The following CYP2W1 variants were observed in gnomAD, a reference collection of about 807,000 sequenced individuals.
CYP2W1 encodes the protein cytochrome P450 family 2 subfamily W member 1.
A neutral mutation model predicts 44.9 loss-of-function variants in CYP2W1; 51 were observed. That is an observed-to-expected ratio of 1.14 (90% confidence interval 0.91 to 1.43). CYP2W1 has a LOEUF of 1.43. Ranked by LOEUF, CYP2W1 falls within the 40% of genes most tolerant of loss-of-function variation. The pLI, the probability that CYP2W1 is intolerant of heterozygous loss-of-function variation, is 0.00. For missense variants in CYP2W1, 746 were observed against 700.0 expected, an observed-to-expected ratio of 1.07 and a Z score of -0.74; for synonymous variants, 383 against 338.3, an observed-to-expected ratio of 1.13 and a Z score of -1.45.
Position 987,161 on chromosome 7 carries a change from G to T in CYP2W1, c.874G>T (p.Asp292Tyr). ...GGCCAACGCGGTGGCCTGCACCCTG[G>T]ACATGGTCATGGCCGGGACGGAGAC... is the stretch of plus-strand genomic sequence containing the variant. The part of the protein sequence containing the change: ...AEANAVACTL[D>Y]MVMAGTETTS... The change falls in exon 6 of 9, where the codon GAC (aspartate) becomes TAC (tyrosine). Residue 292 changes from aspartate to tyrosine, a missense_variant. Physicochemically the swap from Asp to Tyr is radical, Grantham distance 160. Coordinates refer to ENST00000308919, the MANE Select transcript of CYP2W1 (RefSeq NM_017781.3). 1 of 1,576,514 alleles carries T rather than the reference G, an allele frequency of 6.3e-7. No individual in the cohort carries two copies.
Position 988,739 on chromosome 7 carries a change from C to T in CYP2W1, c.1390C>T (p.Pro464Ser). Reference sequence around the variant, plus strand: ...CCTGCTGCCCCCGCCTGGCGTCAGTCCGGCCTCCCTGGACACCACGCCCGC... The same window carrying T: ...CCTGCTGCCCCCGCCTGGCGTCAGTTCGGCCTCCCTGGACACCACGCCCGC... Reference protein sequence around the residue: ...YRLLPPPGVSPASLDTTPARA... With the variant: ...YRLLPPPGVSSASLDTTPARA... Residue 464 changes from proline (P) to serine (S), a missense_variant, in exon 9 of 9, where the codon CCG becomes TCG. Transcript: ENST00000308919. The T allele has an allele frequency of 1.3e-6, 2 of 1,599,474 alleles. No homozygotes were observed. The highest frequency in any genetic ancestry group is 1.7e-4 in the Middle Eastern group (1 of 5,882).
chr7:985,347 G>A lies in CYP2W1; in HGVS notation c.645+24G>A, dbSNP rs200877611. 9.1e-6 allele frequency: 14 copies of A among 1,546,114 alleles called. No homozygotes were observed. In the Admixed American group the frequency reaches 1.2e-4, roughly 13 times the overall value. ...AGGTGAGGAGCTGCCTCCCATCCTT[G>A]GGGTGGGGTGGAGCCTGGAGTGATG... On this transcript the variant is annotated intron_variant, in intron 4 of 8. Transcript: ENST00000308919.
chr7:986,499 C>A, intron 4 of CYP2W1, 125 bp from the exon 5 acceptor site: 1 of 1,139,510 alleles, frequency 8.8e-7, no homozygotes, highest in Non-Finnish European at 1.3e-6. Context: ...CGTTCTGTGG[C>A]CGCCTCCAGC....
In CYP2W1 at chr7:985,195, T is replaced by C. The variant is rs1243186532; in HGVS notation, c.517T>C (p.Trp173Arg). 2 of 1,567,716 alleles carry C rather than the reference T, an allele frequency of 1.3e-6. No homozygotes were observed. Among genetic ancestry groups the C allele is most frequent in the Non-Finnish European group, 1.7e-6 (2 of 1,156,396 alleles). ...GRPFPLALLG[W>R]APSNITFALL... ...GCCCTTCCCGCTGGCCCTACTGGGC[T>C]GGGCTCCCTCCAATATCACCTTCGC... Residue 173 changes from tryptophan to arginine, a missense_variant, in exon 4 of 9, where the codon TGG becomes CGG. By Grantham distance (101) the Trp-to-Arg change is moderately radical. Transcript: ENST00000308919.
chr7:985,361 C>G (rs752727799), intron 4 of CYP2W1, 38 bp downstream of exon 4: 33 of 1,537,912 alleles, frequency 2.1e-5, no homozygotes, highest in Non-Finnish European at 2.8e-5. Flanking sequence ...TGGGGTGGAG[C>G]CTGGAGTGAT....
intron 4 of CYP2W1, chr7:986,254 G>T: frequency 4.4e-6 from 1 of 227,318 alleles, no homozygotes; most frequent in Non-Finnish European, 8.7e-6. Context: ...ATACAGCCTC[G>T]TGGGCTGGCT....
Position 987,679 on chromosome 7 carries a change from G to A in CYP2W1, c.1143+148G>A, listed in dbSNP as rs1016459998. The A allele has an allele frequency of 1.7e-5, 14 of 824,196 alleles. No homozygotes were observed. The Admixed American group carries it at 3.5e-4, about 21-fold the overall frequency. The allele number at this position is 824,196 out of a possible 1,614,324, so 51.1% of individuals were successfully genotyped here. On this transcript the variant is annotated intron_variant, in intron 7 of 8. Transcript: ENST00000308919. ...GGCAATAAAGGGCGTCCAGCCAGGA[G>A]CAGGAGGGAGGCAGCCCTCTCACCC...
rs1004487362 is a variant in CYP2W1, at chr7:984,954, C to T, written c.342C>T (p.Ile114=). The T allele has an allele frequency of 2.5e-6, 4 of 1,598,616 alleles. No individual in the cohort carries two copies. The highest frequency in any genetic ancestry group is 3.4e-6 in the Non-Finnish European group (4 of 1,176,494). The part of the protein sequence containing the change: ...IFQLIQRGGG[I]FFSSGARWRA... Reference sequence around the variant, plus strand: ...ACGCACTGTATCTGCCTACAGGCATCTTCTTCTCATCTGGGGCGCGCTGGA... The same window carrying T: ...ACGCACTGTATCTGCCTACAGGCATTTTCTTCTCATCTGGGGCGCGCTGGA... Residue 114 remains isoleucine (I), a synonymous_variant, in exon 3 of 9, where the codon ATC becomes ATT. Coordinates refer to ENST00000308919, the MANE Select transcript of CYP2W1 (RefSeq NM_017781.3).
In CYP2W1 at chr7:984,529, G is replaced by T; in HGVS notation, c.292G>T (p.Asp98Tyr). The T allele has an allele frequency of 6.4e-7, 1 of 1,554,062 alleles. No homozygotes were observed. Among genetic ancestry groups the T allele is most frequent in the South Asian group, 1.2e-5 (1 of 84,582 alleles). Residue 98 changes from aspartate to tyrosine, a missense_variant, in exon 2 of 9, where the codon GAC becomes TAC. Transcript: ENST00000308919. ...ALAGPGQELADRPPIAIFQLI... is the reference protein window; with the variant it reads ...ALAGPGQELAYRPPIAIFQLI... ...GGCGGGCCCCGGGCAGGAGCTGGCC[G>T]ACCGGCCTCCCATCGCCATCTTCCA...
chr7:988,803 G>A lies in CYP2W1; in HGVS notation c.1454G>A (p.Cys485Tyr), dbSNP rs762827859. ...FTMRPRAQAL[C>Y]AVPRP is the part of the protein sequence containing the mutation. ...ATGAGGCCGAGGGCCCAGGCCCTGTGTGCGGTGCCCAGGCCCTAGGAGCTC... is the reference window on the plus strand; with the variant it reads ...ATGAGGCCGAGGGCCCAGGCCCTGTATGCGGTGCCCAGGCCCTAGGAGCTC... The change falls in exon 9 of 9, where the codon TGT (cysteine) becomes TAT (tyrosine). Residue 485 changes from cysteine to tyrosine, a missense_variant. By Grantham distance (194) the Cys-to-Tyr change is radical. Coordinates refer to ENST00000308919, the MANE Select transcript of CYP2W1 (RefSeq NM_017781.3). The A allele has an allele frequency of 1.3e-6, 2 of 1,587,090 alleles. No individual in the cohort carries two copies. The highest frequency in any genetic ancestry group is 1.7e-6 in the Non-Finnish European group (2 of 1,172,862).
At position 988,907 on chromosome 7, in the gene CYP2W1, C is replaced by A. The variant is rs113978131; in HGVS notation, c.*85C>A. On this transcript the variant is annotated 3_prime_UTR_variant, in exon 9 of 9. Coordinates refer to ENST00000308919, the MANE Select transcript of CYP2W1 (RefSeq NM_017781.3). ...CCCTCTCTCCTCCCACCCCACAGCT[C>A]GGACTGCTCTGGGAGGGCCCTGAGG... is the stretch of plus-strand genomic sequence containing the variant. The A allele has an allele frequency of 4.6e-6, 4 of 871,344 alleles. No individual in the cohort carries two copies. The East Asian group carries it at 1.1e-4, about 23-fold the overall frequency. 54.0% of individuals were successfully genotyped at this position (871,344 alleles called of 1,614,324 possible).
chr7:988,313 C>T lies in CYP2W1; in HGVS notation c.1180C>T (p.Leu394=). The change falls in exon 8 of 9, where the codon CTG becomes TTG. Residue 394 remains leucine, a synonymous_variant. Coordinates refer to ENST00000308919, the MANE Select transcript of CYP2W1 (RefSeq NM_017781.3). ...PVIPLLTSVL[L]DETQWQTPGQ... ...GATTCCCCTGCTGACCTCGGTGCTC[C>T]TGGATGAGACACAGTGGCAGACCCC... The T allele has an allele frequency of 6.2e-7, 1 of 1,609,096 alleles. No individual in the cohort carries two copies. The highest frequency in any genetic ancestry group is 8.5e-7 in the Non-Finnish European group (1 of 1,177,158).
chr7:986,449 T>A, intron 4 of CYP2W1, 175 bp from the exon 5 acceptor site: 1 of 697,258 alleles, frequency 1.4e-6, no homozygotes, highest in South Asian at 1.9e-5. Context: ...GGGGGTTTCC[T>A]GGCAGTTCCT....
chr7:987,613 C>A, intron 7 of CYP2W1, 82 bp downstream of exon 7: 1 of 1,324,580 alleles, frequency 7.5e-7, no homozygotes, highest in African/African-American at 1.5e-5. Flanking sequence ...GACGGCTGAG[C>A]GTCTGGTGGG....
Position 985,023 on chromosome 7 carries a change from C to T in CYP2W1, c.411C>T (p.Gly137=), listed in dbSNP as rs113406160. The T allele has an allele frequency of 5.7e-5, 92 of 1,612,054 alleles. No homozygotes were observed. The Middle Eastern group carries it at 8.3e-4, about 14-fold the overall frequency. The change falls in exon 3 of 9, where the codon GGC becomes GGT. Residue 137 remains glycine, a synonymous_variant. Coordinates refer to ENST00000308919, the MANE Select transcript of CYP2W1 (RefSeq NM_017781.3). ...QFTVRALHSL[G]VGREPVADKI... ...CGGTGCGTGCCCTGCACAGCCTGGG[C>T]GTGGGCCGGGAGCCGGTGGCTGACA...
At chr7:987,292 A>G in intron 6 of CYP2W1, 47 bp downstream of exon 6, 1 of 1,509,870 alleles carries the variant, frequency 6.6e-7, no homozygotes, top group Non-Finnish European at 8.9e-7. Flanking sequence ...CCCCCGGGGG[A>G]CCCCCAGGGA....
Position 983,280 on chromosome 7 carries a change from AG to A in CYP2W1, c.70del (p.Asp24ThrfsTer33). The A allele has an allele frequency of 6.5e-7, 1 of 1,543,676 alleles. No homozygotes were observed. Among genetic ancestry groups the A allele is most frequent in the African/African-American group, 1.4e-5 (1 of 73,024 alleles). On this transcript the variant is annotated frameshift_variant, in exon 1 of 9. Coordinates refer to ENST00000308919, the MANE Select transcript of CYP2W1 (RefSeq NM_017781.3). LOFTEE classifies it high-confidence loss of function. ...GGGGGCTGCTCTGCGCCTGCGCCCAAGACCCCTCCCCAGCTGCCCGGTGGCC... is the reference window on the plus strand; with the variant it reads ...GGGGGCTGCTCTGCGCCTGCGCCCAAACCCCTCCCCAGCTGCCCGGTGGCC... ...LWGLLCACAQDPSPAARWPPG... is the reference protein window; with the variant it reads ...LWGLLCACAQXPSPAARWPPG...
chr7:984,571 G>A lies in CYP2W1; in HGVS notation c.334G>A (p.Gly112Arg). The A allele has an allele frequency of 6.4e-7, 1 of 1,561,186 alleles. No individual in the cohort carries two copies. Among genetic ancestry groups the A allele is most frequent in the South Asian group, 1.2e-5 (1 of 85,380 alleles). The change falls in exon 2 of 9, where the codon GGA becomes AGA. Residue 112 changes from glycine to arginine, a missense_variant. By Grantham distance (125) the Gly-to-Arg change is moderately radical. Coordinates refer to ENST00000308919, the MANE Select transcript of CYP2W1 (RefSeq NM_017781.3). ...CATCTTCCAGCTCATCCAGCGAGGTGGAGGTCGGTGTGTGGCCGGCGCTAC... is the reference window on the plus strand; with the variant it reads ...CATCTTCCAGCTCATCCAGCGAGGTAGAGGTCGGTGTGTGGCCGGCGCTAC... ...IAIFQLIQRG[G>R]GIFFSSGARW...
chr7:989,251 G>A lies in CYP2W1; in HGVS notation c.*429G>A, dbSNP rs1848640003. ...GAGCCCTGCACCCCCCAGGTCCTGG[G>A]ACTCCTGCAGACCCCACTCCATTCC... On this transcript the variant is annotated 3_prime_UTR_variant, in exon 9 of 9. Coordinates refer to ENST00000308919, the MANE Select transcript of CYP2W1 (RefSeq NM_017781.3). The A allele has an allele frequency of 1.0e-5, 2 of 191,396 alleles. No homozygotes were observed. The highest frequency in any genetic ancestry group is 1.6e-4 in the South Asian group (1 of 6,144). The allele number at this position is 191,396 out of a possible 1,614,324, so 11.9% of individuals were successfully genotyped here. A position where few individuals can be genotyped will look rare whatever the true frequency, so the allele number is the denominator to read the frequency against.
Sources: gnomAD v4.1 joint callset for allele counts on GRCh38, gnomAD v4.1.1 for gene constraint, MANE v1.5 for transcripts, NCBI Gene and HGNC (gene_info 2026-07-23, HGNC 2026-07-21) for gene names.